Variants in SORT1 observed in about 807,000 individuals in gnomAD.
SORT1 encodes sortilin.
Under a neutral mutation model 101.7 loss-of-function variants are expected in SORT1, and 39 were observed. That is an observed-to-expected ratio of 0.38 (90% CI 0.30 to 0.50). The LOEUF (loss-of-function observed/expected upper bound fraction) is 0.50. SORT1 is among the 20% of genes least tolerant of loss of function. The pLI is 0.90. For synonymous variants in SORT1, 396 were observed against 393.7 expected (o/e 1.01, Z -0.07); for missense variants, 878 against 1,040.4 (o/e 0.84, Z 2.15).
Position 109,397,671 on chromosome 1 carries a change from A to G in SORT1, c.222T>C (p.Arg74=). The change falls in exon 1 of 20, where the codon CGT becomes CGC. Residue 74 remains arginine (R), a synonymous_variant. Transcript: ENST00000256637. ...AAGGAFPRGG[R]WRRSAPGEDE... ...CCTCGCCCGGCGCGCTGCGACGCCA[A>G]CGGCCGCCGCGGGGAAACGCGCCCC... The G allele has an allele frequency of 3.3e-6, 4 of 1,205,282 alleles. No homozygotes were observed. Among genetic ancestry groups the G allele is most frequent in the East Asian group, 4.6e-5 (1 of 21,588 alleles). 74.7% of individuals were successfully genotyped at this position (1,205,282 alleles called of 1,614,324 possible). A position where few individuals can be genotyped will look rare whatever the true frequency, so the allele number is the denominator to read the frequency against.
intron 1 of SORT1, among the ~76,000 whole-genome samples, chr1:109,372,392 G>T (rs1177297166): frequency 3.3e-5 from 5 of 152,156 alleles, no homozygotes; most frequent in Admixed American, 3.3e-4. Context: ...TGCACAGTGG[G>T]CACGCAATAA....
chr1:109,342,197 C>A, intron 8 of SORT1, 39 bp from the exon 9 acceptor site: 1 of 1,520,772 alleles, frequency 6.6e-7, no homozygotes, highest in South Asian at 1.2e-5. Context: ...TAATTTTCTG[C>A]CAAGATGCCA....
chr1:109,355,080 G>A (rs1650218394), intron 4 of SORT1, among the ~76,000 whole-genome samples: 1 of 152,008 alleles, frequency 6.6e-6, no homozygotes, highest in South Asian at 2.1e-4. Flanking sequence ...AATTACCCAG[G>A]AGTGGTGGCA....
At chr1:109,387,881 C>T (rs1474750664) in intron 1 of SORT1, among the ~76,000 whole-genome samples, 2 of 151,836 alleles carry the variant, frequency 1.3e-5, no homozygotes, top group Non-Finnish European at 2.9e-5. Flanking sequence ...GCCCCAGAGG[C>T]GGAGGTTGCA....
Position 109,397,877 on chromosome 1 carries a change from C to G in SORT1, c.16G>C (p.Gly6Arg). 1 of 1,204,976 alleles carries G rather than the reference C, an allele frequency of 8.3e-7. No homozygotes were observed. Among genetic ancestry groups the G allele is most frequent in the Non-Finnish European group, 1.0e-6 (1 of 967,528 alleles). 74.6% of individuals were successfully genotyped at this position (1,204,976 alleles called of 1,614,324 possible). A position where few individuals can be genotyped will look rare whatever the true frequency, so the allele number is the denominator to read the frequency against. ...CAGCGCGAGAGGCCGTCCGCAGCTCCCCAGGGCCGCTCCATCGCCGCCGAA... is the reference window on the plus strand; with the variant it reads ...CAGCGCGAGAGGCCGTCCGCAGCTCGCCAGGGCCGCTCCATCGCCGCCGAA... MERPW[G>R]AADGLSRWPH... The change falls in exon 1 of 20, where the codon GGA becomes CGA. Residue 6 changes from glycine (G) to arginine (R), a missense_variant. By Grantham distance (125) the Gly-to-Arg change is moderately radical. Transcript: ENST00000256637.
intron 11 of SORT1, among the ~76,000 whole-genome samples, chr1:109,328,220 T>C (rs1041523366): frequency 6.6e-6 from 1 of 152,250 alleles, no homozygotes; most frequent in Non-Finnish European, 1.5e-5. Context: ...AATATCTTTT[T>C]GAGAACCTGC....
chr1:109,337,227 G>A (rs567847030), intron 10 of SORT1, among the ~76,000 whole-genome samples: 35 of 151,984 alleles, frequency 2.3e-4, no homozygotes, highest in African/African-American at 8.4e-4. Flanking sequence ...AATATCCTTT[G>A]AGTTTTCCTT....
intron 1 of SORT1, among the ~76,000 whole-genome samples, chr1:109,382,399 G>A (rs1287334957): frequency 6.6e-6 from 1 of 152,144 alleles, no homozygotes; most frequent in African/African-American, 2.4e-5. Context: ...GCCTCCCAAA[G>A]TGCTGGGATT....
chr1:109,361,198 C>A (rs1189020428), intron 3 of SORT1, among the ~76,000 whole-genome samples: 1 of 152,230 alleles, frequency 6.6e-6, no homozygotes, highest in Non-Finnish European at 1.5e-5. Context: ...AGGAACCAAG[C>A]TGCAACTTCA....
At chr1:109,368,323 G>T in intron 2 of SORT1, among the ~76,000 whole-genome samples, 1 of 150,828 alleles carries the variant, frequency 6.6e-6, no homozygotes, top group Middle Eastern at 3.5e-3. Flanking sequence ...AAAATTCTTG[G>T]AGATACCAAC....
In SORT1 at chr1:109,355,388, A is replaced by C. The variant is rs1384420216; in HGVS notation, c.522T>G (p.Ile174Met). 1.4e-5 allele frequency: 22 copies of C among 1,592,154 alleles called. No individual in the cohort carries two copies. The highest frequency in any genetic ancestry group is 1.8e-5 in the Non-Finnish European group (21 of 1,160,144). ...TCACCTTTCCAGAGTTCTCAGGACC[A>C]ATAGCCATGCCAAATTCAGTCCGAA... ...TFIRTEFGMAIGPENSGKVVL... is the reference protein window; with the variant it reads ...TFIRTEFGMAMGPENSGKVVL... Residue 174 changes from isoleucine (I) to methionine (M), a missense_variant, in exon 4 of 20, where the codon ATT (isoleucine) becomes ATG (methionine). Around this residue, in one of 2 missense-constraint regions of SORT1, gnomAD observed 684 missense variants for 894.5 expected, o/e 0.76. Coordinates refer to ENST00000256637, the MANE Select transcript of SORT1 (RefSeq NM_002959.7).
intron 3 of SORT1, among the ~76,000 whole-genome samples, chr1:109,365,549 C>T (rs979321244): frequency 2.0e-5 from 3 of 152,164 alleles, no homozygotes; most frequent in African/African-American, 7.2e-5. Flanking sequence ...AACAAAGTCA[C>T]CTACTATAGC....
chr1:109,370,458 T>TA (rs1264581805), intron 1 of SORT1, among the ~76,000 whole-genome samples: 2 of 151,850 alleles, frequency 1.3e-5, no homozygotes, highest in Middle Eastern at 3.4e-3. Flanking sequence ...TTGTAACTGA[T>TA]AAAAAAAATA....
chr1:109,317,780 G>A (rs1647327730), intron 16 of SORT1, 73 bp downstream of exon 16: 3 of 1,017,994 alleles, frequency 2.9e-6, no homozygotes, highest in Non-Finnish European at 4.6e-6. Context: ...GGATCTCAGT[G>A]TGGAGAGAAG....
At chr1:109,331,545 A>G (rs1014173820) in intron 11 of SORT1, among the ~76,000 whole-genome samples, 6 of 152,190 alleles carry the variant, frequency 3.9e-5, no homozygotes, top group African/African-American at 1.2e-4. Flanking sequence ...AATAAAGGCT[A>G]TATGTGACAA....
chr1:109,397,048 G>T (rs563001257), intron 1 of SORT1, among the ~76,000 whole-genome samples: 3 of 152,286 alleles, frequency 2.0e-5, no homozygotes, highest in African/African-American at 7.2e-5. Context: ...CATGACAGAA[G>T]GTCAAATCTG....
At chr1:109,391,671 T>C (rs1285904049) in intron 1 of SORT1, among the ~76,000 whole-genome samples, 1 of 152,206 alleles carries the variant, frequency 6.6e-6, no homozygotes, top group Non-Finnish European at 1.5e-5. Flanking sequence ...GAATCTGTCA[T>C]GAACATTCAT....
chr1:109,393,593 T>C (rs1653033374), intron 1 of SORT1, among the ~76,000 whole-genome samples: 1 of 152,202 alleles, frequency 6.6e-6, no homozygotes, highest in Non-Finnish European at 1.5e-5. Context: ...AGGTTATACA[T>C]GTCATGAATA....
intron 1 of SORT1, among the ~76,000 whole-genome samples, chr1:109,394,425 G>C (rs949893380): frequency 6.6e-6 from 1 of 151,754 alleles, no homozygotes; most frequent in Non-Finnish European, 1.5e-5. Flanking sequence ...AATGATATGA[G>C]AAAAAAAACC....
Sources: gnomAD v4.1 joint callset for allele counts (sites outside exome capture counted in the v4.1 genomes callset) on GRCh38, gnomAD v4.1.1 for gene constraint, gnomAD v4.1.1 regional missense constraint, MANE v1.5 for transcripts, NCBI Gene and HGNC (gene_info 2026-07-23, HGNC 2026-07-21) for gene names.